NLGN1: variants seen among roughly 807,000 people sequenced by gnomAD.
The protein encoded by NLGN1 is neuroligin-1.
Under a neutral mutation model 65.5 loss-of-function variants are expected in NLGN1, and 12 were observed. The observed-to-expected ratio is 0.18, with a 90% CI of 0.12 to 0.30. The LOEUF (loss-of-function observed/expected upper bound fraction) is 0.30, where lower values mean the gene tolerates loss of function less well. Among genes scored for constraint, NLGN1 ranks in the 10% least tolerant of loss-of-function variants. NLGN1 has a pLI of 1.00. For missense variants in NLGN1, 750 were observed against 1,007.1 expected (o/e 0.74, Z 3.46); for synonymous variants, 350 against 359.5 (o/e 0.97, Z 0.30).
At chr3:173,735,239 C>T (rs1012399598) in intron 3 of NLGN1, among the ~76,000 whole-genome samples, 4 of 152,084 alleles carry the variant, frequency 2.6e-5, no homozygotes, top group Non-Finnish European at 5.9e-5. Flanking sequence ...AACCAAAATG[C>T]AAAGTTCTAG....
Position 173,605,609 on chromosome 3 carries a change from G to T in NLGN1, c.493+518G>T. 1 of 1,251,188 alleles carries T rather than the reference G, an allele frequency of 8.0e-7. No individual in the cohort carries two copies. The highest frequency in any genetic ancestry group is 1.0e-6 in the Non-Finnish European group (1 of 954,220). 77.5% of individuals were successfully genotyped at this position (1,251,188 alleles called of 1,614,324 possible). On this transcript the variant is annotated intron_variant, in intron 3 of 6. Coordinates refer to ENST00000457714, the Ensembl canonical transcript of NLGN1. ...AGAAAAGGAGGTATGTATAAAAGTG[G>T]AAATTAAAAATGGGGGAAAAAGCTT...
At chr3:174,233,764 A>G (rs983562471) in intron 4 of NLGN1, among the ~76,000 whole-genome samples, 2 of 152,060 alleles carry the variant, frequency 1.3e-5, no homozygotes, top group African/African-American at 4.8e-5. Context: ...TGACTTAAAG[A>G]TGTGGAAACT....
At chr3:173,779,654 G>T (rs2150312261) in intron 3 of NLGN1, among the ~76,000 whole-genome samples, 1 of 152,206 alleles carries the variant, frequency 6.6e-6, no homozygotes, top group South Asian at 2.1e-4. Context: ...CAGAGACCTA[G>T]TGTTAATATG....
At chr3:173,795,557 T>C (rs1713858712) in intron 3 of NLGN1, among the ~76,000 whole-genome samples, 1 of 152,160 alleles carries the variant, frequency 6.6e-6, no homozygotes. Context: ...TAAAATTAAC[T>C]AAATTTCAAT....
At chr3:173,748,839 T>G (rs1042092695) in intron 3 of NLGN1, among the ~76,000 whole-genome samples, 2 of 152,108 alleles carry the variant, frequency 1.3e-5, no homozygotes, top group Admixed American at 1.3e-4. Context: ...TGCTTATTTA[T>G]TTGAAGAAGT....
At chr3:173,707,498 A>G (rs529825201) in intron 3 of NLGN1, among the ~76,000 whole-genome samples, 1 of 151,994 alleles carries the variant, frequency 6.6e-6, no homozygotes, top group Non-Finnish European at 1.5e-5. Flanking sequence ...ATAAACATAA[A>G]TATAATAATT....
chr3:173,817,463 C>T (rs574521964), intron 4 of NLGN1, among the ~76,000 whole-genome samples: 1 of 152,284 alleles, frequency 6.6e-6, no homozygotes, highest in South Asian at 2.1e-4. Flanking sequence ...ATGGATGAGG[C>T]AGATATTTTG....
chr3:174,198,130 T>G (rs1188826675), intron 4 of NLGN1, among the ~76,000 whole-genome samples: 1 of 152,176 alleles, frequency 6.6e-6, no homozygotes, highest in Non-Finnish European at 1.5e-5. Context: ...ATATAATCAT[T>G]CTACATTGTT....
At chr3:173,416,713 G>T (rs1456367107) in intron 1 of NLGN1, among the ~76,000 whole-genome samples, 1 of 152,094 alleles carries the variant, frequency 6.6e-6, no homozygotes, top group African/African-American at 2.4e-5. Context: ...CGAAAGAAGA[G>T]GTGGGAGACA....
At chr3:173,652,424 A>G (rs942423410) in intron 3 of NLGN1, among the ~76,000 whole-genome samples, 1 of 152,010 alleles carries the variant, frequency 6.6e-6, no homozygotes, top group Non-Finnish European at 1.5e-5. Context: ...TCTTTATTCC[A>G]TCTTGAGTTG....
intron 4 of NLGN1, among the ~76,000 whole-genome samples, chr3:174,004,128 C>T (rs1723878330): frequency 6.6e-6 from 1 of 152,136 alleles, no homozygotes; most frequent in Non-Finnish European, 1.5e-5. Flanking sequence ...AAGCAGTGAT[C>T]ACTTCCAGTG....
chr3:174,017,866 C>T (rs192090087), intron 4 of NLGN1, among the ~76,000 whole-genome samples: 35 of 152,170 alleles, frequency 2.3e-4, no homozygotes, highest in Admixed American at 1.6e-3. Context: ...GTTTCGGGCA[C>T]GTGTTGTCAT....
At chr3:173,656,588 G>A (rs1000643626) in intron 3 of NLGN1, among the ~76,000 whole-genome samples, 2 of 152,078 alleles carry the variant, frequency 1.3e-5, no homozygotes, top group Non-Finnish European at 2.9e-5. Flanking sequence ...ACGTGGTCCA[G>A]ATGTGTTGCC....
intron 2 of NLGN1, among the ~76,000 whole-genome samples, chr3:173,550,583 T>C (rs911338985): frequency 6.6e-5 from 10 of 152,116 alleles, no homozygotes; most frequent in Non-Finnish European, 1.3e-4. Context: ...AAAAATAGCA[T>C]TTGCTAAATA....
chr3:174,214,173 A>G (rs1014041896), intron 4 of NLGN1, among the ~76,000 whole-genome samples: 2 of 152,160 alleles, frequency 1.3e-5, no homozygotes, highest in Admixed American at 6.5e-5. Context: ...TTGTGTTGCA[A>G]TTTTGCAACA....
At chr3:173,853,738 T>C (rs11915098) in intron 4 of NLGN1, among the ~76,000 whole-genome samples, 128,329 of 151,954 alleles carry the variant, frequency 0.84, 54,737 homozygotes, top group Non-Finnish European at 0.9. Context: ...ATTGACTATG[T>C]ATAAGCTTCA....
At chr3:173,694,020 A>G (rs1024377864) in intron 3 of NLGN1, among the ~76,000 whole-genome samples, 3 of 152,122 alleles carry the variant, frequency 2.0e-5, no homozygotes, top group Non-Finnish European at 4.4e-5. Context: ...TAAGAAAATA[A>G]TAGGAAGAAA....
intron 1 of NLGN1, among the ~76,000 whole-genome samples, chr3:173,400,188 T>G (rs1205490149): frequency 1.3e-5 from 2 of 152,184 alleles, no homozygotes; most frequent in Non-Finnish European, 2.9e-5. Context: ...GAAGATATGA[T>G]TTTTCAGTTA....
intron 3 of NLGN1, among the ~76,000 whole-genome samples, chr3:173,618,217 A>T (rs569537145): frequency 2.0e-5 from 3 of 151,826 alleles, no homozygotes; most frequent in African/African-American, 7.2e-5. Context: ...TTTTTTAGAG[A>T]CAGGGTCTCA....
Sources: allele counts gnomAD v4.1 joint callset (sites outside exome capture counted in the v4.1 genomes callset), GRCh38; gene constraint gnomAD v4.1.1; transcripts MANE v1.5; gene names NCBI Gene and HGNC (gene_info 2026-07-23, HGNC 2026-07-21).